Variants in GALNT13 observed in about 807,000 individuals in gnomAD.
The protein encoded by GALNT13 is polypeptide N-acetylgalactosaminyltransferase 13.
Under a neutral mutation model 64.2 loss-of-function variants are expected in GALNT13, and 28 were observed. That is an observed-to-expected ratio of 0.44 (90% CI 0.32 to 0.60). The LOEUF (loss-of-function observed/expected upper bound fraction) is 0.60. GALNT13 is among the 20% of genes least tolerant of loss of function. The pLI, the probability that GALNT13 is intolerant of heterozygous loss-of-function variation, is 0.05. For missense variants in GALNT13, 577 were observed against 669.8 expected, an observed-to-expected ratio of 0.86 and a Z score of 1.53; for synonymous variants, 214 against 224.6, an observed-to-expected ratio of 0.95 and a Z score of 0.42.
the GALNT13 span, among the ~76,000 whole-genome samples, chr2:153,327,759 A>G: frequency 1.3e-5 from 2 of 151,472 alleles, no homozygotes; most frequent in Non-Finnish European, 2.9e-5. Flanking sequence ...AGCTCGGAGG[A>G]GTTTGTTATT....
chr2:153,726,627 T>C, the GALNT13 span, among the ~76,000 whole-genome samples: 1 of 152,152 alleles, frequency 6.6e-6, no homozygotes, highest in Non-Finnish European at 1.5e-5. Flanking sequence ...ATTTGGCTCA[T>C]GTACCATTTT....
the GALNT13 span, among the ~76,000 whole-genome samples, chr2:153,617,387 C>A: frequency 6.6e-6 from 1 of 152,080 alleles, no homozygotes; most frequent in Admixed American, 6.6e-5. Flanking sequence ...TACATTGAAC[C>A]ATCCTCGCAT....
At chr2:154,163,807 A>C (rs949690845) in intron 4 of GALNT13, among the ~76,000 whole-genome samples, 1 of 152,298 alleles carries the variant, frequency 6.6e-6, no homozygotes, top group South Asian at 2.1e-4. Context: ...ACTGGGTTTT[A>C]AAAAAAGTGG....
At chr2:153,164,910 A>G in the GALNT13 span, among the ~76,000 whole-genome samples, 2 of 152,192 alleles carry the variant, frequency 1.3e-5, no homozygotes, top group South Asian at 2.1e-4. Context: ...TCTGATTATC[A>G]TAATTTGAAA....
chr2:153,836,335 C>T, the GALNT13 span, among the ~76,000 whole-genome samples: 8 of 152,010 alleles, frequency 5.3e-5, no homozygotes, highest in Middle Eastern at 3.4e-3. Context: ...TGTTTTCTTG[C>T]GGTTAGAACA....
At chr2:153,188,108 G>A in the GALNT13 span, among the ~76,000 whole-genome samples, 3 of 151,788 alleles carry the variant, frequency 2.0e-5, no homozygotes, top group African/African-American at 7.3e-5. Flanking sequence ...CATATTTACT[G>A]GTGAAATAGT....
chr2:154,212,740 A>G (rs140841449), intron 4 of GALNT13, among the ~76,000 whole-genome samples: 133 of 151,560 alleles, frequency 8.8e-4, no homozygotes, highest in Non-Finnish European at 1.4e-3. Context: ...TTCTAAGGCA[A>G]TGGATACTAA....
the GALNT13 span, among the ~76,000 whole-genome samples, chr2:153,082,406 G>T: frequency 1.3e-5 from 2 of 150,980 alleles, no homozygotes; most frequent in African/African-American, 2.4e-5. Flanking sequence ...GGATGTATTT[G>T]GTGTTTCATT....
the GALNT13 span, among the ~76,000 whole-genome samples, chr2:153,406,089 A>G: frequency 2.0e-5 from 3 of 152,216 alleles, no homozygotes; most frequent in Non-Finnish European, 4.4e-5. Context: ...GCGTCCTTGA[A>G]TAACTTCTTT....
chr2:153,136,848 C>CCACACACACACACACACACACA, the GALNT13 span, among the ~76,000 whole-genome samples: 2,247 of 148,386 alleles, frequency 0.015, 34 homozygotes, highest in East Asian at 0.023. Flanking sequence ...GGTGTTTGCA[C>CCACACACACACACACACACACA]CACACACACA....
At chr2:153,225,268 A>T in the GALNT13 span, among the ~76,000 whole-genome samples, 1 of 152,252 alleles carries the variant, frequency 6.6e-6, no homozygotes, top group Non-Finnish European at 1.5e-5. Flanking sequence ...TATTTTACAA[A>T]ATTTAAAACT....
chr2:154,151,154 A>T (rs1400563877), intron 4 of GALNT13, among the ~76,000 whole-genome samples: 2 of 152,162 alleles, frequency 1.3e-5, no homozygotes, highest in African/African-American at 4.8e-5. Context: ...GGTTTCAAAG[A>T]ACATCTTTAT....
chr2:153,072,469 A>G, the GALNT13 span, among the ~76,000 whole-genome samples: 373 of 152,336 alleles, frequency 2.4e-3, 3 homozygotes, highest in African/African-American at 7.9e-3. Flanking sequence ...AAATGCTTTC[A>G]GTGCTTGATT....
intron 9 of GALNT13, among the ~76,000 whole-genome samples, chr2:154,360,877 G>T (rs907938352): frequency 6.6e-6 from 1 of 152,166 alleles, no homozygotes; most frequent in East Asian, 1.9e-4. Context: ...GCCAAAAAGG[G>T]TTGAGGCATT....
chr2:153,254,881 A>G, the GALNT13 span, among the ~76,000 whole-genome samples: 1 of 152,100 alleles, frequency 6.6e-6, no homozygotes, highest in South Asian at 2.1e-4. Flanking sequence ...GGAGAGCTTT[A>G]CTTCCAAGTA....
At chr2:153,210,532 G>A in the GALNT13 span, among the ~76,000 whole-genome samples, 1 of 152,076 alleles carries the variant, frequency 6.6e-6, no homozygotes, top group African/African-American at 2.4e-5. Context: ...TTCATTTTAT[G>A]TATTGCTAGA....
chr2:153,611,563 G>C, the GALNT13 span, among the ~76,000 whole-genome samples: 2 of 151,170 alleles, frequency 1.3e-5, no homozygotes, highest in African/African-American at 4.9e-5. Context: ...GTTTCACCGT[G>C]TTGGCCAGGC....
chr2:153,872,281 G>A lies in GALNT13; in HGVS notation c.-199G>A, dbSNP rs12999856. 44,621 of 152,042 alleles carry A rather than the reference G, an allele frequency of 0.29. 7,151 individuals carry two copies. The highest frequency in any genetic ancestry group is 0.43 in the Middle Eastern group (125 of 294). 9.4% of individuals were successfully genotyped at this position (152,042 alleles called of 1,614,324 possible). The stretch of plus-strand genomic sequence containing the variant: ...GTGTGGACCGCCGTTCCCTCTTCGC[G>A]GGATCGTTGGCCAGGATAGCAGGTC... On this transcript the variant is annotated 5_prime_UTR_variant, in exon 1 of 13. Coordinates refer to ENST00000392825, the MANE Select transcript of GALNT13 (RefSeq NM_052917.4).
chr2:153,320,714 T>C, the GALNT13 span, among the ~76,000 whole-genome samples: 2 of 152,212 alleles, frequency 1.3e-5, no homozygotes, highest in Non-Finnish European at 2.9e-5. Context: ...AGATGATGAC[T>C]GATGGAAATA....
Sources: allele counts gnomAD v4.1 joint callset (sites outside exome capture counted in the v4.1 genomes callset), GRCh38; gene constraint gnomAD v4.1.1; transcripts MANE v1.5; gene names NCBI Gene and HGNC (gene_info 2026-07-23, HGNC 2026-07-21).